Variants in TRIO observed in about 807,000 individuals in gnomAD.
TRIO encodes the protein trio Rho guanine nucleotide exchange factor.
TRIO carries 58 observed loss-of-function variants against 351.9 expected under a neutral mutation model. The observed-to-expected ratio is 0.16, with a 90% confidence interval of 0.13 to 0.21. TRIO has a LOEUF of 0.21. Ranked by LOEUF, TRIO falls within the 10% of genes least tolerant of loss-of-function variation. The pLI is 1.00. For synonymous variants in TRIO, 1,758 were observed against 1,595.7 expected (o/e 1.10, Z -2.42); for missense variants, 3,201 against 4,027.8 (o/e 0.79, Z 5.56).
intron 34 of TRIO, among the ~76,000 whole-genome samples, chr5:14,460,679 A>G (rs1472733969): frequency 2.0e-5 from 3 of 152,134 alleles, no homozygotes; most frequent in African/African-American, 7.2e-5. Flanking sequence ...CTGTCCTCCA[A>G]TGTCCGCAGT....
chr5:14,427,789 G>T (rs1195784534), intron 34 of TRIO, among the ~76,000 whole-genome samples: 3 of 152,152 alleles, frequency 2.0e-5, no homozygotes, highest in Non-Finnish European at 4.4e-5. Flanking sequence ...GAGCCTGGGT[G>T]CCTTTTTGGT....
At position 14,481,586 on chromosome 5, in the gene TRIO, A is replaced by G. The variant is rs1476535810; in HGVS notation, c.6433A>G (p.Met2145Val). The G allele has an allele frequency of 6.2e-7, 1 of 1,614,130 alleles. No homozygotes were observed. Among genetic ancestry groups the G allele is most frequent in the Non-Finnish European group, 8.5e-7 (1 of 1,180,018 alleles). Residue 2145 changes from methionine to valine, a missense_variant, in exon 45 of 57, where the codon ATG becomes GTG. Around this residue, in one of 19 missense-constraint regions of TRIO, gnomAD observed 307 missense variants for 396.5 expected, o/e 0.77. Transcript: ENST00000344204. ...CATAGTACCCAGGCGGTGCAACGAC[A>G]TGATGAACGTGGGGCGGCTGCAAGG... ...MCIVPRRCND[M>V]MNVGRLQGFD...
intron 11 of TRIO, among the ~76,000 whole-genome samples, chr5:14,342,609 T>C (rs1742041818): frequency 6.6e-6 from 1 of 152,248 alleles, no homozygotes; most frequent in South Asian, 2.1e-4. Flanking sequence ...TCATGCGCCC[T>C]GGATTCCTCC....
At chr5:14,216,480 T>C (rs1018154084) in intron 1 of TRIO, among the ~76,000 whole-genome samples, 1 of 152,174 alleles carries the variant, frequency 6.6e-6, no homozygotes, top group Non-Finnish European at 1.5e-5. Context: ...ATTGTTGGAG[T>C]TGGTGTTGCA....
intron 1 of TRIO, among the ~76,000 whole-genome samples, chr5:14,145,098 C>T (rs1787422782): frequency 6.6e-6 from 1 of 152,136 alleles, no homozygotes; most frequent in Non-Finnish European, 1.5e-5. Context: ...CACCGACAGG[C>T]CGGGGGAGCG....
At chr5:14,375,457 G>A (rs978208054) in intron 19 of TRIO, among the ~76,000 whole-genome samples, 12 of 152,168 alleles carry the variant, frequency 7.9e-5, no homozygotes, top group African/African-American at 2.9e-4. Flanking sequence ...TTATTCCCTC[G>A]TTAGATCTTC....
intron 11 of TRIO, among the ~76,000 whole-genome samples, chr5:14,339,001 G>A (rs1011768296): frequency 6.6e-6 from 1 of 152,094 alleles, no homozygotes; most frequent in Non-Finnish European, 1.5e-5. Context: ...TTTTCAACTC[G>A]GCAGTGGTTT....
At chr5:14,436,788 C>G (rs982258462) in intron 34 of TRIO, among the ~76,000 whole-genome samples, 2 of 152,216 alleles carry the variant, frequency 1.3e-5, no homozygotes, top group African/African-American at 4.8e-5. Context: ...TGTCTCACAT[C>G]CAGGTCACGC....
chr5:14,457,045 G>T (rs951512700), intron 34 of TRIO, among the ~76,000 whole-genome samples: 5 of 152,128 alleles, frequency 3.3e-5, no homozygotes, highest in Non-Finnish European at 7.4e-5. Flanking sequence ...TTCCCCACCA[G>T]AGAGAGTCAA....
At chr5:14,175,165 C>T (rs1789332105) in intron 1 of TRIO, among the ~76,000 whole-genome samples, 1 of 152,190 alleles carries the variant, frequency 6.6e-6, no homozygotes, top group South Asian at 2.1e-4. Context: ...TAGAAATATA[C>T]TACTCCCCCA....
chr5:14,170,149 G>A (rs933977750), intron 1 of TRIO, among the ~76,000 whole-genome samples: 1 of 152,108 alleles, frequency 6.6e-6, no homozygotes, highest in Non-Finnish European at 1.5e-5. Context: ...AGCGATTTTT[G>A]TTATAACATG....
chr5:14,284,092 A>G (rs1430272759), intron 3 of TRIO, among the ~76,000 whole-genome samples: 1 of 152,212 alleles, frequency 6.6e-6, no homozygotes, highest in Admixed American at 6.5e-5. Context: ...TAATTGATTC[A>G]TTCATAAATA....
rs977800910 is a variant in TRIO at position 14,338,814 on chromosome 5, C to G, written c.2046+2087C>G. 5.9e-5 allele frequency among the ~76,000 whole-genome samples: 9 copies of G among 152,174 alleles called. No individual in the cohort carries two copies. The South Asian group carries it at 8.3e-4, about 14-fold the overall frequency. The stretch of plus-strand genomic sequence containing the variant: ...GAGAGGCCAAATCGAGAGGAAGGGG[C>G]AGAGGGAAGAGGGCCTTGCATCTGT... On this transcript the variant is annotated intron_variant, in intron 11 of 56. Transcript: ENST00000344204.
chr5:14,420,043 G>A (rs765777549), intron 34 of TRIO, 22 bp downstream of exon 34: 1 of 1,604,044 alleles, frequency 6.2e-7, no homozygotes, highest in African/African-American at 1.3e-5. Flanking sequence ...TGGGGCATGG[G>A]TGGCAGACCC....
rs1755633604 is a variant in TRIO, at chr5:14,482,836, GT to G, written c.6657+66del. The G allele has an allele frequency of 2.9e-6, 4 of 1,364,250 alleles. No homozygotes were observed. In the South Asian group the frequency reaches 5.4e-5, roughly 18 times the overall value. The allele number at this position is 1,364,250 out of a possible 1,614,324, so 84.5% of individuals were successfully genotyped here. ...CATGTACCCGTCACACCGATACACT[GT>G]TTCCTTTTAATGATGACATACCCTG... On this transcript the variant is annotated intron_variant, in intron 46 of 56. Transcript: ENST00000344204.
chr5:14,430,216 CAAAA>C (rs139833933), intron 34 of TRIO, among the ~76,000 whole-genome samples: 72 of 118,520 alleles, frequency 6.1e-4, no homozygotes, highest in African/African-American at 2.1e-3. Context: ...ACCCAAATAG[CAAAA>C]AAAAAAAAAA....
intron 11 of TRIO, among the ~76,000 whole-genome samples, chr5:14,355,312 A>G (rs573105087): frequency 6.6e-6 from 1 of 152,370 alleles, no homozygotes; most frequent in South Asian, 2.1e-4. Context: ...TTGGTTTGTT[A>G]GAGCAAATCT....
intron 34 of TRIO, among the ~76,000 whole-genome samples, chr5:14,454,379 G>A (rs1055393128): frequency 7.2e-5 from 11 of 152,188 alleles, no homozygotes; most frequent in Non-Finnish European, 2.9e-5. Context: ...GAGATGAGTC[G>A]CTAGAAGGGT....
intron 10 of TRIO, among the ~76,000 whole-genome samples, chr5:14,333,804 G>A (rs1025303356): frequency 1.3e-5 from 2 of 152,140 alleles, no homozygotes; most frequent in African/African-American, 4.8e-5. Context: ...ACACCAGTTA[G>A]GCCCCCACCC....
Sources: allele counts gnomAD v4.1 joint callset (sites outside exome capture counted in the v4.1 genomes callset), GRCh38; gene constraint gnomAD v4.1.1; regional missense constraint gnomAD v4.1.1; transcripts MANE v1.5; gene names NCBI Gene and HGNC (gene_info 2026-07-23, HGNC 2026-07-21).